MICOS10: variants seen among roughly 807,000 people sequenced by gnomAD.
The protein encoded by MICOS10 is MICOS complex subunit MIC10.
Under a neutral mutation model 13.4 loss-of-function variants are expected in MICOS10, and 5 were observed. That is an observed-to-expected ratio of 0.37 (90% CI 0.20 to 0.78). The LOEUF (loss-of-function observed/expected upper bound fraction) is 0.78, where lower values mean the gene tolerates loss of function less well. Ranked by LOEUF, MICOS10 falls within the 30% of genes least tolerant of loss-of-function variation. The pLI, the probability that MICOS10 is intolerant of heterozygous loss-of-function variation, is 0.47. For missense variants in MICOS10, 101 were observed against 94.6 expected (o/e 1.07, Z -0.28); for synonymous variants, 35 against 33.6 (o/e 1.04, Z -0.15).
chr1:19,604,223 G>A (rs1448058135), intron 1 of MICOS10, among the ~76,000 whole-genome samples: 4 of 152,116 alleles, frequency 2.6e-5, no homozygotes, highest in Non-Finnish European at 5.9e-5. Flanking sequence ...TTATTAACTG[G>A]AGGCTGAGTG....
chr1:19,598,138 G>C (rs565745484), intron 1 of MICOS10: 12 of 152,218 alleles, frequency 7.9e-5, no homozygotes, highest in Non-Finnish European at 1.6e-4. Context: ...AAAAATTGTT[G>C]AGAGTGAGTC....
intron 1 of MICOS10, among the ~76,000 whole-genome samples, chr1:19,612,544 G>A (rs2100289853): frequency 6.6e-6 from 1 of 152,002 alleles, no homozygotes; most frequent in Admixed American, 6.5e-5. Flanking sequence ...CCAACGTGGT[G>A]GAACCCCACC....
chr1:19,616,903 T>C (rs1216182815), intron 1 of MICOS10, among the ~76,000 whole-genome samples: 1 of 152,244 alleles, frequency 6.6e-6, no homozygotes, highest in East Asian at 1.9e-4. Flanking sequence ...ATGTGATCTG[T>C]CTTTAATGTG....
chr1:19,622,213 C>A (rs2094906201), intron 2 of MICOS10, 66 bp downstream of exon 2: 1 of 1,326,772 alleles, frequency 7.5e-7, no homozygotes, highest in Non-Finnish European at 1.1e-6. Flanking sequence ...AGGGACACTT[C>A]CAGAGGACAC....
intron 1 of MICOS10, chr1:19,617,425 C>A: frequency 4.5e-6 from 2 of 448,806 alleles, no homozygotes; most frequent in Non-Finnish European, 5.9e-6. Flanking sequence ...TTAATACAGA[C>A]TAAATTCACC....
At chr1:19,626,179 C>T (rs1263052735) in intron 3 of MICOS10, among the ~76,000 whole-genome samples, 1 of 152,176 alleles carries the variant, frequency 6.6e-6, no homozygotes, top group Non-Finnish European at 1.5e-5. Context: ...CACTCGTTTC[C>T]CACTCTTCTC....
chr1:19,601,142 G>A, intron 1 of MICOS10: 1 of 525,386 alleles, frequency 1.9e-6, no homozygotes, highest in South Asian at 1.8e-5. Flanking sequence ...ACTTTAGGCA[G>A]TGGTCCTTTA....
intron 1 of MICOS10, chr1:19,601,221 G>A (rs1322348209): frequency 1.4e-5 from 5 of 346,740 alleles, no homozygotes; most frequent in African/African-American, 1.1e-4. Context: ...ATTATCATAT[G>A]ATTTTGTCCT....
intron 1 of MICOS10, among the ~76,000 whole-genome samples, chr1:19,614,829 A>G (rs1013570914): frequency 5.3e-5 from 8 of 152,300 alleles, no homozygotes; most frequent in African/African-American, 1.4e-4. Flanking sequence ...GAATGGCCCA[A>G]GATTCCTTTG....
intron 1 of MICOS10, chr1:19,608,065 A>G (rs1007273317): frequency 1.6e-5 from 13 of 810,738 alleles, no homozygotes; most frequent in Non-Finnish European, 2.6e-5. Flanking sequence ...CTAAAACTAT[A>G]AAACCTATAA....
chr1:19,616,539 G>T (rs1373383175), intron 1 of MICOS10, among the ~76,000 whole-genome samples: 2 of 152,098 alleles, frequency 1.3e-5, no homozygotes, highest in Non-Finnish European at 2.9e-5. Context: ...AAGTAATTCA[G>T]GTTTTTGTTA....
chr1:19,599,530 A>ATTTT (rs2094805887), intron 1 of MICOS10, among the ~76,000 whole-genome samples: 2 of 152,194 alleles, frequency 1.3e-5, no homozygotes, highest in Admixed American at 1.3e-4. Flanking sequence ...TGAGTGATTC[A>ATTTT]GACTCTTTTG....
At chr1:19,606,733 A>T (rs532854462) in intron 1 of MICOS10, among the ~76,000 whole-genome samples, 1 of 150,910 alleles carries the variant, frequency 6.6e-6, no homozygotes, top group East Asian at 1.9e-4. Context: ...GCGACAGAAC[A>T]AGAAGGCTCT....
intron 2 of MICOS10, 103 bp downstream of exon 2, chr1:19,622,250 C>A (rs899068003): frequency 1.2e-6 from 1 of 812,906 alleles, no homozygotes; most frequent in South Asian, 1.8e-5. Context: ...TTGTGGGTTG[C>A]CAACCCATCC....
chr1:19,614,545 C>A (rs1458819859), intron 1 of MICOS10: 1 of 151,984 alleles, frequency 6.6e-6, no homozygotes, highest in African/African-American at 2.4e-5. Flanking sequence ...TCTCGATCTC[C>A]TGACCTCGTG....
intron 1 of MICOS10, among the ~76,000 whole-genome samples, chr1:19,599,293 G>A (rs1042313442): frequency 1.7e-4 from 26 of 152,238 alleles, no homozygotes; most frequent in African/African-American, 5.1e-4. Flanking sequence ...CTGGGCTTAA[G>A]TGATCCATCA....
intron 1 of MICOS10, chr1:19,597,892 A>G (rs1307968389): frequency 6.6e-6 from 1 of 152,210 alleles, no homozygotes; most frequent in African/African-American, 2.4e-5. Flanking sequence ...AACAAATGGC[A>G]AAATTAGGGA....
At position 19,597,018 on chromosome 1, in the gene MICOS10, A is replaced by G. The variant is rs1402054871; in HGVS notation, c.-28A>G. The stretch of plus-strand genomic sequence containing the variant: ...GGTCGGAGCGCGGGGGCCGGCCGAG[A>G]GGAAAGCTGGAGGCGCGGGTGGGGA... On this transcript the variant is annotated 5_prime_UTR_variant, in exon 1 of 4. Transcript: ENST00000322753. The G allele has an allele frequency of 1.9e-6, 3 of 1,572,622 alleles. No homozygotes were observed. The highest frequency in any genetic ancestry group is 2.6e-6 in the Non-Finnish European group (3 of 1,163,224).
intron 1 of MICOS10, 86 bp downstream of exon 1, chr1:19,597,195 C>T: frequency 7.1e-7 from 1 of 1,417,126 alleles, no homozygotes; most frequent in Non-Finnish European, 9.6e-7. Context: ...GAAGGGAAGC[C>T]CCACGGGAGG....
Sources: allele counts gnomAD v4.1 joint callset (sites outside exome capture counted in the v4.1 genomes callset), GRCh38; gene constraint gnomAD v4.1.1; transcripts MANE v1.5; gene names NCBI Gene and HGNC (gene_info 2026-07-23, HGNC 2026-07-21).